The following ZNF804A variants were observed in gnomAD, a reference collection of about 807,000 sequenced individuals.
The protein encoded by ZNF804A is zinc finger protein 804A.
A neutral mutation model predicts 16.5 loss-of-function variants in ZNF804A; 2 were observed. The ratio of observed to expected loss-of-function variants is 0.12; its 90% CI spans 0.05 to 0.38. ZNF804A has a LOEUF of 0.38. ZNF804A is among the 10% of genes least tolerant of loss of function. ZNF804A has a pLI of 0.99. For missense variants in ZNF804A, 1,473 were observed against 1,390.7 expected, an observed-to-expected ratio of 1.06 and a Z score of -0.94; for synonymous variants, 534 against 489.6, an observed-to-expected ratio of 1.09 and a Z score of -1.20.
intron 1 of ZNF804A, among the ~76,000 whole-genome samples, chr2:184,634,965 T>A (rs183220411): frequency 0.01 from 1,589 of 152,144 alleles, 95 homozygotes; most frequent in Admixed American, 0.088. Context: ...TGTATTTTTT[T>A]AAAAAAATAA....
chr2:184,850,172 A>G (rs2105803710), intron 1 of ZNF804A, among the ~76,000 whole-genome samples: 1 of 151,956 alleles, frequency 6.6e-6, no homozygotes, highest in South Asian at 2.1e-4. Context: ...CAGGATGACT[A>G]CAGCCAGCAA....
intron 2 of ZNF804A, among the ~76,000 whole-genome samples, chr2:184,894,375 G>A (rs573296443): frequency 2.8e-4 from 43 of 152,072 alleles, no homozygotes; most frequent in African/African-American, 9.4e-4. Flanking sequence ...TTGTCTCTGA[G>A]ATGACTTGAA....
At chr2:184,694,101 T>G (rs891516392) in intron 1 of ZNF804A, among the ~76,000 whole-genome samples, 1 of 149,788 alleles carries the variant, frequency 6.7e-6, no homozygotes, top group African/African-American at 2.5e-5. Flanking sequence ...GCTATTTTTA[T>G]TTTTACTTTT....
rs140933735 is a variant in ZNF804A, at chr2:184,815,281, T to G, written c.112-51088T>G. On this transcript the variant is annotated intron_variant, in intron 1 of 3. Coordinates refer to ENST00000302277, the MANE Select transcript of ZNF804A (RefSeq NM_194250.2). ...CATAAAATAATTATCAAATCCATAC[T>G]AGGTTTTGCAATCTAATATTTTCTC... Among the ~76,000 whole-genome samples, 1,381 of 152,064 alleles carry G rather than the reference T, an allele frequency of 9.1e-3. 22 individuals are homozygous for G. Among genetic ancestry groups the G allele is most frequent in the African/African-American group, 0.032 (1,320 of 41,526 alleles).
At chr2:184,933,542 A>C (rs1336466570) in intron 2 of ZNF804A, 61 bp from the exon 3 acceptor site, 8 of 1,492,004 alleles carry the variant, frequency 5.4e-6, no homozygotes, top group Non-Finnish European at 7.2e-6. Flanking sequence ...AATAACAATG[A>C]AACTTTAAAA....
intron 2 of ZNF804A, among the ~76,000 whole-genome samples, chr2:184,904,698 G>T (rs1574264876): frequency 1.3e-5 from 2 of 152,068 alleles, no homozygotes; most frequent in Admixed American, 1.3e-4. Flanking sequence ...TTTGAGTCAT[G>T]ACTTAGTCTT....
intron 1 of ZNF804A, among the ~76,000 whole-genome samples, chr2:184,790,804 C>T (rs1432684768): frequency 5.3e-5 from 8 of 152,000 alleles, no homozygotes; most frequent in African/African-American, 1.7e-4. Context: ...AGGGTTTCAC[C>T]GTGTTAGCCA....
intron 1 of ZNF804A, among the ~76,000 whole-genome samples, chr2:184,865,888 T>A (rs1337941612): frequency 6.6e-6 from 1 of 152,156 alleles, no homozygotes; most frequent in Non-Finnish European, 1.5e-5. Flanking sequence ...CTAGATGGAA[T>A]GAATAATAAG....
At chr2:184,861,361 C>G (rs189337009) in intron 1 of ZNF804A, among the ~76,000 whole-genome samples, 1 of 152,078 alleles carries the variant, frequency 6.6e-6, no homozygotes, top group African/African-American at 2.4e-5. Context: ...ATCTGGTTTC[C>G]TTAGCTCTTA....
At chr2:184,702,642 A>C (rs1217487634) in intron 1 of ZNF804A, among the ~76,000 whole-genome samples, 1 of 152,110 alleles carries the variant, frequency 6.6e-6, no homozygotes, top group African/African-American at 2.4e-5. Flanking sequence ...TAAAGATATT[A>C]TCCTGATTAA....
At position 184,883,935 on chromosome 2, in the gene ZNF804A, C is replaced by A. The variant is rs555033499; in HGVS notation, c.255+17423C>A. Among the ~76,000 whole-genome samples, 1,224 of 151,638 alleles carry A rather than the reference C, an allele frequency of 8.1e-3. 11 individuals are homozygous for A. Among genetic ancestry groups the A allele is most frequent in the Middle Eastern group, 0.062 (18 of 292 alleles). The stretch of plus-strand genomic sequence containing the variant: ...CTCACCACTCCTATTTCACATAGTA[C>A]TAGAGGTATTTTACTAGCCAGAGCA... On this transcript the variant is annotated intron_variant, in intron 2 of 3. Transcript: ENST00000302277.
At chr2:184,845,091 A>T (rs148259519) in intron 1 of ZNF804A, among the ~76,000 whole-genome samples, 1 of 151,942 alleles carries the variant, frequency 6.6e-6, no homozygotes, top group African/African-American at 2.4e-5. Flanking sequence ...CTCTTTGTTT[A>T]TATAACTTGT....
chr2:184,794,508 C>T (rs1217554145), intron 1 of ZNF804A, among the ~76,000 whole-genome samples: 1 of 151,888 alleles, frequency 6.6e-6, no homozygotes, highest in Non-Finnish European at 1.5e-5. Context: ...GGAGATTTCT[C>T]CCAGTCTGTG....
intron 1 of ZNF804A, among the ~76,000 whole-genome samples, chr2:184,859,842 C>G (rs1434788106): frequency 6.6e-6 from 1 of 152,218 alleles, no homozygotes; most frequent in Non-Finnish European, 1.5e-5. Flanking sequence ...GTCCTGCTGC[C>G]TAGGTCAGGA....
At chr2:184,856,393 A>T (rs1275695104) in intron 1 of ZNF804A, among the ~76,000 whole-genome samples, 2 of 151,980 alleles carry the variant, frequency 1.3e-5, no homozygotes, top group Non-Finnish European at 2.9e-5. Flanking sequence ...ATGAAAACAA[A>T]GCGTCATAGG....
At chr2:184,692,200 T>C (rs1379036296) in intron 1 of ZNF804A, among the ~76,000 whole-genome samples, 1 of 152,182 alleles carries the variant, frequency 6.6e-6, no homozygotes, top group African/African-American at 2.4e-5. Context: ...TGTGTTTGTT[T>C]AAATGCAGGG....
At chr2:184,610,719 T>C (rs987277395) in intron 1 of ZNF804A, among the ~76,000 whole-genome samples, 4 of 152,262 alleles carry the variant, frequency 2.6e-5, no homozygotes, top group African/African-American at 9.6e-5. Flanking sequence ...GTCTGGACAA[T>C]GTGCATTTAT....
intron 2 of ZNF804A, 87 bp from the exon 3 acceptor site, chr2:184,933,516 A>G: frequency 1.5e-6 from 2 of 1,301,022 alleles, no homozygotes; most frequent in Admixed American, 2.6e-5. Context: ...AAGATGATGC[A>G]TTGGAAAATT....
intron 1 of ZNF804A, among the ~76,000 whole-genome samples, chr2:184,667,263 G>T (rs909265813): frequency 4.6e-5 from 7 of 151,680 alleles, no homozygotes; most frequent in Admixed American, 2.0e-4. Context: ...ATGTTTTCTT[G>T]GTCTTTTAAG....
Sources: gnomAD v4.1 joint callset for allele counts (sites outside exome capture counted in the v4.1 genomes callset) on GRCh38, gnomAD v4.1.1 for gene constraint, MANE v1.5 for transcripts, NCBI Gene and HGNC (gene_info 2026-07-23, HGNC 2026-07-21) for gene names.